TBL1XR1: variants seen among roughly 807,000 people sequenced by gnomAD.
TBL1XR1 encodes the protein TBL1X/Y related 1.
A neutral mutation model predicts 66.9 loss-of-function variants in TBL1XR1; 5 were observed. The ratio of observed to expected loss-of-function variants is 0.07; its 90% CI spans 0.04 to 0.16. The LOEUF (loss-of-function observed/expected upper bound fraction) is 0.16. Among genes scored for constraint, TBL1XR1 ranks in the 10% least tolerant of loss-of-function variants. The probability of loss-of-function intolerance (pLI) is 1.00; values close to 1 mark genes in which losing one functional copy is unlikely to be tolerated. For missense variants in TBL1XR1, 238 were observed against 623.2 expected (o/e 0.38, Z 6.58); for synonymous variants, 210 against 206.0 (o/e 1.02, Z -0.17).
chr3:177,035,819 G>T (rs868405745), intron 12 of TBL1XR1, among the ~76,000 whole-genome samples: 1 of 152,112 alleles, frequency 6.6e-6, no homozygotes, highest in Non-Finnish European at 1.5e-5. Context: ...GAGGGTGTCC[G>T]AGCCATTTAC....
intron 10 of TBL1XR1, among the ~76,000 whole-genome samples, chr3:177,038,861 A>T (rs1349941240): frequency 6.6e-6 from 1 of 152,188 alleles, no homozygotes; most frequent in Non-Finnish European, 1.5e-5. Context: ...CTTAACCTCT[A>T]TGATATATCC....
At chr3:177,045,157 G>A (rs772388064) in intron 10 of TBL1XR1, among the ~76,000 whole-genome samples, 3 of 152,104 alleles carry the variant, frequency 2.0e-5, no homozygotes, top group Non-Finnish European at 4.4e-5. Context: ...AATGCCTGAA[G>A]TTGCAAATTT....
At chr3:177,097,233 A>T (rs1489825139) in intron 2 of TBL1XR1, among the ~76,000 whole-genome samples, 1 of 152,224 alleles carries the variant, frequency 6.6e-6, no homozygotes, top group Non-Finnish European at 1.5e-5. Context: ...TAATTTAGTA[A>T]AACTAAAATT....
intron 2 of TBL1XR1, among the ~76,000 whole-genome samples, chr3:177,085,428 C>A (rs1025439261): frequency 2.0e-5 from 3 of 152,154 alleles, no homozygotes; most frequent in African/African-American, 7.2e-5. Flanking sequence ...TTAAAAACAA[C>A]ATTCTCCAGG....
chr3:177,122,683 A>T (rs1409328917), intron 1 of TBL1XR1, among the ~76,000 whole-genome samples: 2 of 152,164 alleles, frequency 1.3e-5, no homozygotes, highest in African/African-American at 2.4e-5. Flanking sequence ...ATAGGGCTAA[A>T]TAAGGCAGTT....
intron 1 of TBL1XR1, among the ~76,000 whole-genome samples, chr3:177,136,951 T>A (rs766785007): frequency 3.3e-5 from 5 of 152,190 alleles, no homozygotes; most frequent in Non-Finnish European, 5.9e-5. Flanking sequence ...TCCTCCAATA[T>A]ATACGGTCTC....
At chr3:177,119,999 A>G (rs1726792294) in intron 1 of TBL1XR1, among the ~76,000 whole-genome samples, 1 of 152,076 alleles carries the variant, frequency 6.6e-6, no homozygotes, top group African/African-American at 2.4e-5. Flanking sequence ...ATCTAGTTAT[A>G]CTCCAGCAGG....
intron 2 of TBL1XR1, among the ~76,000 whole-genome samples, chr3:177,067,182 A>G (rs1719277980): frequency 6.6e-6 from 1 of 152,204 alleles, no homozygotes; most frequent in Non-Finnish European, 1.5e-5. Flanking sequence ...TAAAAACAAA[A>G]CATCCAACCC....
chr3:177,122,792 G>A (rs910367475), intron 1 of TBL1XR1, among the ~76,000 whole-genome samples: 14 of 152,066 alleles, frequency 9.2e-5, no homozygotes, highest in African/African-American at 3.1e-4. Flanking sequence ...AATATTAGTC[G>A]TTTCAGGCTC....
chr3:177,101,044 C>T (rs773583080), intron 1 of TBL1XR1, among the ~76,000 whole-genome samples: 9 of 151,984 alleles, frequency 5.9e-5, no homozygotes, highest in African/African-American at 9.7e-5. Flanking sequence ...TTAGTAGAGA[C>T]GGGGGTCTCT....
chr3:177,111,991 T>TA (rs1309462524), intron 1 of TBL1XR1, among the ~76,000 whole-genome samples: 1 of 145,548 alleles, frequency 6.9e-6, no homozygotes, highest in Non-Finnish European at 1.5e-5. Context: ...TGAAGCCTTT[T>TA]AAAAAATAAG....
chr3:177,069,201 T>C (rs553093409), intron 2 of TBL1XR1, among the ~76,000 whole-genome samples: 6 of 152,272 alleles, frequency 3.9e-5, no homozygotes, highest in Admixed American at 2.6e-4. Flanking sequence ...TATAGGAACC[T>C]TGCAAGCTAC....
intron 1 of TBL1XR1, among the ~76,000 whole-genome samples, chr3:177,151,901 G>A (rs140970331): frequency 1.1e-3 from 163 of 152,260 alleles, no homozygotes; most frequent in East Asian, 7.0e-3. Flanking sequence ...GCAGGCACCC[G>A]TAATCCCAGC....
chr3:177,198,580 G>C (rs1346473822), upstream of TBL1XR1, among the ~76,000 whole-genome samples: 1 of 152,088 alleles, frequency 6.6e-6, no homozygotes, highest in Non-Finnish European at 1.5e-5. Context: ...AAGCAAATGG[G>C]GTGGTAATCT....
chr3:177,138,407 C>A (rs1225766396), intron 1 of TBL1XR1, among the ~76,000 whole-genome samples: 1 of 152,240 alleles, frequency 6.6e-6, no homozygotes, highest in East Asian at 1.9e-4. Context: ...CCAGCCTGGG[C>A]AACATGGTAT....
At chr3:177,183,934 A>T (rs1036681249) in intron 1 of TBL1XR1, among the ~76,000 whole-genome samples, 2 of 151,942 alleles carry the variant, frequency 1.3e-5, no homozygotes, top group African/African-American at 4.8e-5. Flanking sequence ...ACATACTGAG[A>T]GTTCACTGCC....
chr3:177,137,427 T>C (rs1375628769), intron 1 of TBL1XR1, among the ~76,000 whole-genome samples: 1 of 152,166 alleles, frequency 6.6e-6, no homozygotes. Context: ...GCCCATGAGG[T>C]TGAGGCAGTG....
chr3:177,103,062 G>A (rs1282161493), intron 1 of TBL1XR1, among the ~76,000 whole-genome samples: 1 of 152,098 alleles, frequency 6.6e-6, no homozygotes, highest in African/African-American at 2.4e-5. Context: ...TAGAGAAATA[G>A]ATATAAACAT....
At chr3:177,109,618 A>C (rs973040474) in intron 1 of TBL1XR1, among the ~76,000 whole-genome samples, 2 of 152,210 alleles carry the variant, frequency 1.3e-5, no homozygotes, top group Non-Finnish European at 2.9e-5. Context: ...CACTGGGGAC[A>C]AAACTTACTA....
Sources: allele counts gnomAD v4.1 joint callset (sites outside exome capture counted in the v4.1 genomes callset), GRCh38; gene constraint gnomAD v4.1.1; transcripts MANE v1.5; gene names NCBI Gene and HGNC (gene_info 2026-07-23, HGNC 2026-07-21).